Variants in COMMD10 observed in about 807,000 individuals in gnomAD.
COMMD10 encodes the protein COMM domain-containing protein 10.
COMMD10 carries 33 observed loss-of-function variants against 28.9 expected under a neutral mutation model. That is an observed-to-expected ratio of 1.14 (90% CI 0.87 to 1.53). COMMD10 has a LOEUF of 1.53. COMMD10 is among the 40% of genes most tolerant of loss of function. The probability of loss-of-function intolerance (pLI) is 0.00; values close to 1 mark genes in which losing one functional copy is unlikely to be tolerated. For missense variants in COMMD10, 310 were observed against 233.4 expected, an observed-to-expected ratio of 1.33 and a Z score of -2.14; for synonymous variants, 110 against 81.7, an observed-to-expected ratio of 1.35 and a Z score of -1.87.
intron 5 of COMMD10, among the ~76,000 whole-genome samples, chr5:116,227,144 A>G (rs1561676340): frequency 1.3e-5 from 2 of 151,954 alleles, no homozygotes; most frequent in Admixed American, 1.3e-4. Flanking sequence ...AATTAAGTTG[A>G]TCGCTTAAAA....
chr5:116,214,701 T>A (rs1005601708), intron 5 of COMMD10, among the ~76,000 whole-genome samples: 1 of 152,158 alleles, frequency 6.6e-6, no homozygotes, highest in Non-Finnish European at 1.5e-5. Context: ...TTTTCATTTA[T>A]CTGCGGTTAA....
intron 4 of COMMD10, among the ~76,000 whole-genome samples, chr5:116,132,240 A>G (rs894472292): frequency 6.6e-6 from 1 of 152,172 alleles, no homozygotes; most frequent in African/African-American, 2.4e-5. Flanking sequence ...ATAATACTTT[A>G]TAGTTTCCAA....
intron 5 of COMMD10, among the ~76,000 whole-genome samples, chr5:116,143,818 G>T (rs931483728): frequency 2.6e-5 from 4 of 151,856 alleles, no homozygotes; most frequent in African/African-American, 9.7e-5. Context: ...TACTACATGT[G>T]AGTTACTAGG....
chr5:116,255,931 T>C (rs1175631600), intron 5 of COMMD10: 2 of 151,632 alleles, frequency 1.3e-5, no homozygotes, highest in Non-Finnish European at 2.9e-5. Flanking sequence ...TTGAATGTAG[T>C]GTTCAGAAAC....
intron 5 of COMMD10, among the ~76,000 whole-genome samples, chr5:116,191,230 C>A (rs1049713770): frequency 6.6e-6 from 1 of 152,076 alleles, no homozygotes; most frequent in Non-Finnish European, 1.5e-5. Context: ...GGGCAAAACT[C>A]CACAGAGAGA....
chr5:116,196,651 T>C (rs988100313), intron 5 of COMMD10, among the ~76,000 whole-genome samples: 9 of 152,052 alleles, frequency 5.9e-5, no homozygotes, highest in Non-Finnish European at 1.2e-4. Context: ...AAGAAAAATG[T>C]TTATTATTTA....
At chr5:116,131,987 G>A (rs1751877624) in intron 4 of COMMD10, among the ~76,000 whole-genome samples, 2 of 151,896 alleles carry the variant, frequency 1.3e-5, no homozygotes, top group Admixed American at 6.6e-5. Flanking sequence ...GAGGGGTTTT[G>A]TATATAGAGT....
At position 116,091,644 on chromosome 5, in the gene COMMD10, T is replaced by G. The variant is rs527275314; in HGVS notation, c.243+455T>G. 1.1e-4 allele frequency among the ~76,000 whole-genome samples: 16 copies of G among 152,266 alleles called. No individual in the cohort carries two copies. In the South Asian group the frequency reaches 2.7e-3, roughly 26 times the overall value. The stretch of plus-strand genomic sequence containing the variant: ...TACTTGAGCTGTGACCCCTTATACT[T>G]CCTTTATTTGGATTTTTAAAAATCC... On this transcript the variant is annotated intron_variant, in intron 3 of 6. Transcript: ENST00000274458.
intron 5 of COMMD10, among the ~76,000 whole-genome samples, chr5:116,187,340 G>A (rs774290639): frequency 2.6e-5 from 4 of 152,008 alleles, no homozygotes; most frequent in Non-Finnish European, 4.4e-5. Context: ...TATTTGTTTT[G>A]TGAATTTTAT....
At chr5:116,122,967 A>C (rs1354667674) in intron 4 of COMMD10, among the ~76,000 whole-genome samples, 1 of 152,076 alleles carries the variant, frequency 6.6e-6, no homozygotes, top group South Asian at 2.1e-4. Context: ...AATACCCTTT[A>C]TTTCTTTCTC....
intron 5 of COMMD10, among the ~76,000 whole-genome samples, chr5:116,257,225 G>C (rs2112681293): frequency 6.6e-6 from 1 of 151,714 alleles, no homozygotes; most frequent in Middle Eastern, 3.4e-3. Context: ...TTTTCTACTT[G>C]TAGTGTCATG....
At chr5:116,268,088 A>G (rs1338476934) in intron 5 of COMMD10, among the ~76,000 whole-genome samples, 1 of 151,904 alleles carries the variant, frequency 6.6e-6, no homozygotes, top group Admixed American at 6.6e-5. Context: ...CAAAAGCCAA[A>G]ATTGACAAAT....
chr5:116,224,581 CTT>C (rs1749344912), intron 5 of COMMD10, among the ~76,000 whole-genome samples: 1 of 152,124 alleles, frequency 6.6e-6, no homozygotes, highest in African/African-American at 2.4e-5. Context: ...GTGCCGCACT[CTT>C]TTAAACAACC....
At chr5:116,239,587 A>G (rs1010268898) in intron 5 of COMMD10, among the ~76,000 whole-genome samples, 5 of 152,168 alleles carry the variant, frequency 3.3e-5, no homozygotes, top group African/African-American at 1.2e-4. Context: ...CTTTGCAGGT[A>G]ATGCCAACTT....
At chr5:116,248,397 G>A (rs570450412) in intron 5 of COMMD10, among the ~76,000 whole-genome samples, 2 of 152,062 alleles carry the variant, frequency 1.3e-5, no homozygotes, top group East Asian at 3.9e-4. Context: ...TGTAAAGCAG[G>A]TAACCTGTTT....
At chr5:116,200,968 T>C (rs1371968023) in intron 5 of COMMD10, among the ~76,000 whole-genome samples, 1 of 152,176 alleles carries the variant, frequency 6.6e-6, no homozygotes, top group East Asian at 1.9e-4. Flanking sequence ...TGTTCTGTTG[T>C]CCTATGATTA....
At chr5:116,192,517 T>C (rs1307214332) in intron 5 of COMMD10, among the ~76,000 whole-genome samples, 2 of 152,008 alleles carry the variant, frequency 1.3e-5, no homozygotes, top group Admixed American at 6.6e-5. Context: ...TATAGAAATG[T>C]GAAATGCTCT....
At chr5:116,182,467 CA>C (rs1298282805) in intron 5 of COMMD10, among the ~76,000 whole-genome samples, 11 of 151,734 alleles carry the variant, frequency 7.2e-5, no homozygotes, top group African/African-American at 2.7e-4. Context: ...AAAAAAAAGT[CA>C]GTTGAGGTGA....
In COMMD10 at chr5:116,292,977, CG is replaced by C. The variant is rs1445902836; in HGVS notation, c.*490del. ...TGAATATGATGAGTATATTTTGCTT[CG>C]GAAATAATATAGGAAGGAAATGTAA... On this transcript the variant is annotated 3_prime_UTR_variant, in exon 7 of 7. Coordinates refer to ENST00000274458, the MANE Select transcript of COMMD10 (RefSeq NM_016144.4). 9 of 396,934 alleles carry C rather than the reference CG, an allele frequency of 2.3e-5. No homozygotes were observed. The highest frequency in any genetic ancestry group is 1.9e-4 in the African/African-American group (9 of 48,502). The allele number at this position is 396,934 out of a possible 1,614,324, so 24.6% of individuals were successfully genotyped here.
Sources: gnomAD v4.1 joint callset for allele counts (sites outside exome capture counted in the v4.1 genomes callset) on GRCh38, gnomAD v4.1.1 for gene constraint, MANE v1.5 for transcripts, NCBI Gene and HGNC (gene_info 2026-07-23, HGNC 2026-07-21) for gene names.